UBE3C: variants seen among roughly 807,000 people sequenced by gnomAD.
UBE3C encodes the protein ubiquitin-protein ligase E3C.
Under a neutral mutation model 129.4 loss-of-function variants are expected in UBE3C, and 42 were observed. The ratio of observed to expected loss-of-function variants is 0.32; its 90% CI spans 0.25 to 0.42. The LOEUF is 0.42. Among genes scored for constraint, UBE3C ranks in the 10% least tolerant of loss-of-function variants. The pLI, the probability that UBE3C is intolerant of heterozygous loss-of-function variation, is 1.00. For synonymous variants in UBE3C, 510 were observed against 492.4 expected (o/e 1.04, Z -0.47); for missense variants, 1,049 against 1,319.1 (o/e 0.80, Z 3.17).
chr7:157,155,130 A>G (rs183197486), intron 1 of UBE3C, among the ~76,000 whole-genome samples: 2 of 152,256 alleles, frequency 1.3e-5, no homozygotes, highest in African/African-American at 2.4e-5. Context: ...GGCGGTTCTC[A>G]TATTTTCATA....
chr7:157,249,048 A>G (rs764961377), intron 19 of UBE3C, among the ~76,000 whole-genome samples: 2 of 152,208 alleles, frequency 1.3e-5, no homozygotes, highest in South Asian at 2.1e-4. Flanking sequence ...AAAGGTCTAT[A>G]TTAGAGATTC....
At chr7:157,189,946 A>G (rs964865229) in intron 10 of UBE3C, among the ~76,000 whole-genome samples, 1 of 151,982 alleles carries the variant, frequency 6.6e-6, no homozygotes, top group African/African-American at 2.4e-5. Flanking sequence ...GATTACGGGC[A>G]CCCATCACCA....
chr7:157,182,371 T>C (rs1184171572), intron 8 of UBE3C, 43 bp downstream of exon 8: 3 of 1,586,972 alleles, frequency 1.9e-6, no homozygotes, highest in Non-Finnish European at 2.6e-6. Flanking sequence ...CACATATGGG[T>C]AGCATTGGCA....
intron 1 of UBE3C, among the ~76,000 whole-genome samples, chr7:157,157,658 A>C (rs533949026): frequency 6.6e-6 from 1 of 152,202 alleles, no homozygotes; most frequent in Admixed American, 6.5e-5. Context: ...CAAAAACTGA[A>C]AACAACCTAA....
intron 21 of UBE3C, 34 bp from the exon 22 acceptor site, chr7:157,256,880 G>T: frequency 6.2e-7 from 1 of 1,612,648 alleles, no homozygotes; most frequent in Admixed American, 1.7e-5. Context: ...GGTGTGCTTT[G>T]CATTTCATAA....
intron 18 of UBE3C, among the ~76,000 whole-genome samples, chr7:157,241,826 G>A (rs968619161): frequency 4.6e-5 from 7 of 152,202 alleles, no homozygotes; most frequent in African/African-American, 1.7e-4. Flanking sequence ...CTATTACTGG[G>A]CCGTAAAAAG....
At chr7:157,192,412 C>T (rs1389170765) in intron 10 of UBE3C, 1 of 715,802 alleles carries the variant, frequency 1.4e-6, no homozygotes, top group East Asian at 2.6e-5. Flanking sequence ...CCATCACCCT[C>T]AAGGTTGAAC....
intron 5 of UBE3C, among the ~76,000 whole-genome samples, chr7:157,176,481 G>A (rs1266516102): frequency 6.6e-6 from 1 of 152,144 alleles, no homozygotes; most frequent in African/African-American, 2.4e-5. Flanking sequence ...TGCCATGTTG[G>A]CCAGGCTGGT....
intron 11 of UBE3C, among the ~76,000 whole-genome samples, chr7:157,204,112 C>G (rs1338320864): frequency 1.3e-5 from 2 of 152,068 alleles, no homozygotes; most frequent in Non-Finnish European, 1.5e-5. Context: ...CACCTTTGAC[C>G]ATCTTGAAGT....
intron 8 of UBE3C, 149 bp downstream of exon 8, chr7:157,182,477 T>A: frequency 1.3e-6 from 1 of 753,224 alleles, no homozygotes; most frequent in Non-Finnish European, 2.1e-6. Flanking sequence ...GTCTGGGCAG[T>A]GTGTTCCTGG....
chr7:157,250,986 A>T (rs1298160107), intron 19 of UBE3C, among the ~76,000 whole-genome samples: 1 of 152,252 alleles, frequency 6.6e-6, no homozygotes, highest in Non-Finnish European at 1.5e-5. Flanking sequence ...ATCTGTTAAA[A>T]GCAAAAGTGT....
chr7:157,150,032 C>T (rs1331640055), intron 1 of UBE3C, among the ~76,000 whole-genome samples: 1 of 152,134 alleles, frequency 6.6e-6, no homozygotes, highest in Non-Finnish European at 1.5e-5. Context: ...TTGCTGAGGG[C>T]ATACAGACAC....
intron 13 of UBE3C, among the ~76,000 whole-genome samples, chr7:157,210,698 A>T (rs962754696): frequency 2.0e-5 from 3 of 152,232 alleles, no homozygotes; most frequent in Admixed American, 2.0e-4. Context: ...GGTAGAATCA[A>T]CCAAAGAACG....
Position 157,188,884 on chromosome 7 carries a change from A to G in UBE3C, c.1331+1863A>G, listed in dbSNP as rs565115410. On this transcript the variant is annotated intron_variant, in intron 10 of 22. Coordinates refer to ENST00000348165, the MANE Select transcript of UBE3C (RefSeq NM_014671.3). ...CATTCACAGGCCCTCACTGATTAAT[A>G]TTAGTCCCTTTTATTTTCAGAGTTA... 2.0e-5 allele frequency: 11 copies of G among 558,868 alleles called. No homozygotes were observed. The Admixed American group carries it at 2.2e-4, about 11-fold the overall frequency. 34.6% of individuals were successfully genotyped at this position (558,868 alleles called of 1,614,324 possible). A position where few individuals can be genotyped will look rare whatever the true frequency, so the allele number is the denominator to read the frequency against.
intron 1 of UBE3C, among the ~76,000 whole-genome samples, chr7:157,147,453 A>T (rs537091632): frequency 6.6e-6 from 1 of 152,188 alleles, no homozygotes; most frequent in East Asian, 1.9e-4. Context: ...TCCTGCACAG[A>T]TAATCATTTC....
At chr7:157,163,621 A>G (rs1441364671) in intron 1 of UBE3C, among the ~76,000 whole-genome samples, 189 bp from the exon 2 acceptor site, 1 of 152,176 alleles carries the variant, frequency 6.6e-6, no homozygotes, top group Non-Finnish European at 1.5e-5. Context: ...AACTTGTATT[A>G]TATCTAGTGA....
rs1277588929 is a variant in UBE3C, at chr7:157,254,120, T to C, written c.2861T>C (p.Met954Thr). The change falls in exon 20 of 23, where the codon ATG becomes ACG. Residue 954 changes from methionine (M) to threonine (T), a missense_variant. Physicochemically the swap from Met to Thr is moderately conservative, Grantham distance 81. Around this residue, in one of 4 missense-constraint regions of UBE3C, gnomAD observed 243 missense variants for 368.7 expected, o/e 0.66. Coordinates refer to ENST00000348165, the MANE Select transcript of UBE3C (RefSeq NM_014671.3). ...GTCGTCAGCCTCGAGTGGCTCCGAA[T>C]GTTTGATCAGCAAGAAATTCAGGTA... ...ANVVSLEWLR[M>T]FDQQEIQVLI... 5 of 1,611,134 alleles carry C rather than the reference T, an allele frequency of 3.1e-6. No individual in the cohort carries two copies. The highest frequency in any genetic ancestry group is 4.2e-6 in the Non-Finnish European group (5 of 1,178,526).
intron 22 of UBE3C, among the ~76,000 whole-genome samples, chr7:157,266,083 G>A (rs2116723325): frequency 6.6e-6 from 1 of 152,308 alleles, no homozygotes; most frequent in East Asian, 1.9e-4. Context: ...GGGAGGCTGA[G>A]GCGGGTGGAT....
intron 2 of UBE3C, among the ~76,000 whole-genome samples, chr7:157,167,825 C>T (rs562396903): frequency 3.9e-5 from 6 of 152,226 alleles, no homozygotes; most frequent in African/African-American, 1.4e-4. Context: ...CATGAGCCAC[C>T]ATGCCTGGCC....
Sources: gnomAD v4.1 joint callset for allele counts (sites outside exome capture counted in the v4.1 genomes callset) on GRCh38, gnomAD v4.1.1 for gene constraint, gnomAD v4.1.1 regional missense constraint, MANE v1.5 for transcripts, NCBI Gene and HGNC (gene_info 2026-07-23, HGNC 2026-07-21) for gene names.